The following ADAM10 variants were observed in gnomAD, a reference collection of about 807,000 sequenced individuals.
The protein encoded by ADAM10 is ADAM metallopeptidase domain 10.
In ADAM10, 17 loss-of-function variants were observed where a neutral mutation model predicts 90.1. The ratio of observed to expected loss-of-function variants is 0.19; its 90% CI spans 0.13 to 0.28. The LOEUF is 0.28. Among genes scored for constraint, ADAM10 ranks in the 10% least tolerant of loss-of-function variants. ADAM10 has a pLI of 1.00. For missense variants in ADAM10, 610 were observed against 914.3 expected, an observed-to-expected ratio of 0.67 and a Z score of 4.29; for synonymous variants, 310 against 298.6, an observed-to-expected ratio of 1.04 and a Z score of -0.40.
rs1566982335 is a variant in ADAM10 at position 58,655,710 on chromosome 15, A to ATATATC, written c.585+9386_585+9387insGATATA. Among the ~76,000 whole-genome samples, 135 of 44,206 alleles carry ATATATC rather than the reference A, an allele frequency of 3.1e-3. 12 individuals are homozygous for ATATATC. Among genetic ancestry groups the ATATATC allele is most frequent in the African/African-American group, 8.8e-3 (130 of 14,850 alleles). 29.0% of individuals were successfully genotyped at this position (44,206 alleles called of 152,430 possible). A position where few individuals can be genotyped will look rare whatever the true frequency, so the allele number is the denominator to read the frequency against. On this transcript the variant is annotated intron_variant, in intron 5 of 15. Transcript: ENST00000260408. ...TATTATATATAGTATATATATATAT[A>ATATATC]GTATATATATATATATATATATATA...
chr15:58,620,471 C>CA (rs879504526), intron 11 of ADAM10, among the ~76,000 whole-genome samples: 110 of 128,296 alleles, frequency 8.6e-4, no homozygotes, highest in Middle Eastern at 3.8e-3. Flanking sequence ...GACTCCATCT[C>CA]AAAAAAAAAA....
At chr15:58,665,695 A>G (rs1024399437) in intron 4 of ADAM10, among the ~76,000 whole-genome samples, 3 of 151,932 alleles carry the variant, frequency 2.0e-5, no homozygotes, top group Non-Finnish European at 2.9e-5. Context: ...CTCCCTTAGG[A>G]CCATTAAGAC....
chr15:58,712,655 T>G (rs1898513108), intron 2 of ADAM10, among the ~76,000 whole-genome samples: 1 of 138,710 alleles, frequency 7.2e-6, no homozygotes, highest in African/African-American at 2.6e-5. Context: ...CCGTCTCTAC[T>G]AAAAAATACC....
chr15:58,717,693 T>C lies in ADAM10; in HGVS notation c.90A>G (p.Arg30=). The C allele has an allele frequency of 6.2e-7, 1 of 1,613,446 alleles. No homozygotes were observed. The highest frequency in any genetic ancestry group is 8.5e-7 in the Non-Finnish European group (1 of 1,179,806). The change falls in exon 2 of 16, where the codon AGA becomes AGG. Residue 30 remains arginine, a synonymous_variant. Coordinates refer to ENST00000260408, the MANE Select transcript of ADAM10 (RefSeq NM_001110.4). The stretch of plus-strand genomic sequence containing the variant: ...CATTGTAAGATAATCCTTCATAATG[T>C]CTGATATATTTATTTAAAGGATTCC... ...QYGNPLNKYI[R]HYEGLSYNVD...
intron 5 of ADAM10, among the ~76,000 whole-genome samples, chr15:58,651,212 G>A (rs1473073165): frequency 6.6e-6 from 1 of 151,700 alleles, no homozygotes; most frequent in African/African-American, 2.4e-5. Flanking sequence ...ATGTTAAATG[G>A]GGCATCCATC....
intron 2 of ADAM10, chr15:58,692,921 T>C (rs750063943): frequency 3.4e-5 from 24 of 704,410 alleles, no homozygotes; most frequent in Admixed American, 7.1e-5. Context: ...GCCTTGGTCA[T>C]GCCAATGCCT....
At chr15:58,749,346 G>C (rs1899901603) in intron 1 of ADAM10, 134 bp downstream of exon 1, 3 of 1,144,004 alleles carry the variant, frequency 2.6e-6, no homozygotes, top group Non-Finnish European at 3.3e-6. Context: ...CGGGGAGCGC[G>C]GCCCGCCAGA....
intron 2 of ADAM10, among the ~76,000 whole-genome samples, chr15:58,684,390 G>A (rs1422210535): frequency 6.6e-6 from 1 of 152,194 alleles, no homozygotes; most frequent in South Asian, 2.1e-4. Flanking sequence ...GCCCCTAGAT[G>A]ACCTTGGAAT....
chr15:58,633,178 T>C lies in ADAM10; in HGVS notation c.1176+18A>G, dbSNP rs2140675095. 1 of 1,596,216 alleles carries C rather than the reference T, an allele frequency of 6.3e-7. No homozygotes were observed. The highest frequency in any genetic ancestry group is 8.6e-7 in the Non-Finnish European group (1 of 1,164,280). Reference sequence around the variant, plus strand: ...GACTAATAAGTATTTTTTAAGCTAATAATTAGACAATACTTACTGGGGATC... The same window carrying C: ...GACTAATAAGTATTTTTTAAGCTAACAATTAGACAATACTTACTGGGGATC... On this transcript the variant is annotated intron_variant, in intron 9 of 15. Coordinates refer to ENST00000260408, the MANE Select transcript of ADAM10 (RefSeq NM_001110.4).
At chr15:58,669,881 A>G (rs1897156223) in intron 4 of ADAM10, among the ~76,000 whole-genome samples, 1 of 152,184 alleles carries the variant, frequency 6.6e-6, no homozygotes, top group Non-Finnish European at 1.5e-5. Flanking sequence ...TAAAGAGTAC[A>G]TAATGTATAA....
chr15:58,708,033 C>T (rs528679936), intron 2 of ADAM10, among the ~76,000 whole-genome samples: 13 of 151,584 alleles, frequency 8.6e-5, no homozygotes, highest in African/African-American at 1.2e-4. Context: ...GTGAAGATCG[C>T]GCCACTGTAC....
At chr15:58,659,345 G>GT (rs1896914209) in intron 5 of ADAM10, among the ~76,000 whole-genome samples, 2 of 152,038 alleles carry the variant, frequency 1.3e-5, no homozygotes, top group Non-Finnish European at 2.9e-5. Flanking sequence ...TTTAAGCATG[G>GT]TATCAGCTGT....
At position 58,610,411 on chromosome 15, in the gene ADAM10, A is replaced by C; in HGVS notation, c.1911T>G (p.Gly637=). Reference sequence around the variant, plus strand: ...TGCACCGCATGAAAACATCACAGTAACCTCTAAAATCGTTGCAAGGGGATC... The same window carrying C: ...TGCACCGCATGAAAACATCACAGTACCCTCTAAAATCGTTGCAAGGGGATC... The part of the protein sequence containing the change: ...QPGSPCNDFR[G]YCDVFMRCRL... The change falls in exon 14 of 16, where the codon GGT becomes GGG. Residue 637 remains glycine, a synonymous_variant. Coordinates refer to ENST00000260408, the MANE Select transcript of ADAM10 (RefSeq NM_001110.4). 6.2e-7 allele frequency: 1 copy of C among 1,614,158 alleles called. No homozygotes were observed. The highest frequency in any genetic ancestry group is 8.5e-7 in the Non-Finnish European group (1 of 1,180,038).
intron 2 of ADAM10, chr15:58,686,407 C>A: frequency 1.6e-6 from 2 of 1,217,200 alleles, no homozygotes; most frequent in Non-Finnish European, 2.4e-6. Flanking sequence ...CCAGCGCCGC[C>A]ACCATGTCCT....
At chr15:58,602,296 C>A (rs1429254593) in intron 14 of ADAM10, among the ~76,000 whole-genome samples, 2 of 152,150 alleles carry the variant, frequency 1.3e-5, no homozygotes, top group South Asian at 4.1e-4. Context: ...TGCCAAAGAG[C>A]CCTGGTTTCT....
intron 5 of ADAM10, among the ~76,000 whole-genome samples, chr15:58,655,960 T>C (rs1323546226): frequency 6.6e-6 from 1 of 151,512 alleles, no homozygotes; most frequent in Non-Finnish European, 1.5e-5. Context: ...TTGGCCAGGC[T>C]GGTCTTAAAC....
chr15:58,719,311 T>C (rs2140818574), intron 1 of ADAM10, among the ~76,000 whole-genome samples: 1 of 151,168 alleles, frequency 6.6e-6, no homozygotes, highest in South Asian at 2.1e-4. Context: ...GCAACGAAAG[T>C]GAAATTCCGT....
intron 9 of ADAM10, chr15:58,629,211 T>C (rs541986254): frequency 9.2e-5 from 14 of 152,300 alleles, no homozygotes; most frequent in Admixed American, 7.8e-4. Context: ...GGCACTAAAA[T>C]ATAAAAATAT....
At chr15:58,670,397 A>G (rs1476615014) in intron 4 of ADAM10, among the ~76,000 whole-genome samples, 1 of 152,176 alleles carries the variant, frequency 6.6e-6, no homozygotes, top group African/African-American at 2.4e-5. Context: ...AATTAATCTT[A>G]AGGAAATAAC....
Sources: gnomAD v4.1 joint callset for allele counts (sites outside exome capture counted in the v4.1 genomes callset) on GRCh38, gnomAD v4.1.1 for gene constraint, MANE v1.5 for transcripts, NCBI Gene and HGNC (gene_info 2026-07-23, HGNC 2026-07-21) for gene names.